Variants in KCNIP4 observed in about 807,000 individuals in gnomAD.
KCNIP4 encodes the protein potassium voltage-gated channel interacting protein 4, also known as Kv channel-interacting protein 4.
In KCNIP4, 12 loss-of-function variants were observed where a neutral mutation model predicts 34.0. The ratio of observed to expected loss-of-function variants is 0.35; its 90% CI spans 0.23 to 0.57. The LOEUF is 0.57. KCNIP4 is among the 20% of genes least tolerant of loss of function. The probability of loss-of-function intolerance (pLI) is 0.83; values close to 1 mark genes in which losing one functional copy is unlikely to be tolerated. For missense variants in KCNIP4, 238 were observed against 311.7 expected, an observed-to-expected ratio of 0.76 and a Z score of 1.78; for synonymous variants, 124 against 102.2, an observed-to-expected ratio of 1.21 and a Z score of -1.29.
At chr4:20,936,587 T>C (rs1731090033) in intron 1 of KCNIP4, among the ~76,000 whole-genome samples, 1 of 152,016 alleles carries the variant, frequency 6.6e-6, no homozygotes, top group Non-Finnish European at 1.5e-5. Context: ...AAAATTCTAA[T>C]CTACCAGGGA....
chr4:21,133,290 T>C (rs1316306566), intron 1 of KCNIP4, among the ~76,000 whole-genome samples: 1 of 152,204 alleles, frequency 6.6e-6, no homozygotes, highest in Non-Finnish European at 1.5e-5. Context: ...TTAACATGTG[T>C]AATTATTAAT....
intron 1 of KCNIP4, among the ~76,000 whole-genome samples, chr4:21,831,597 G>A (rs1050302311): frequency 2.9e-5 from 4 of 137,000 alleles, no homozygotes; most frequent in African/African-American, 5.6e-5. Flanking sequence ...ACTAAATCAT[G>A]AGGAAAGAGA....
At chr4:21,158,146 C>T (rs1470585459) in intron 1 of KCNIP4, among the ~76,000 whole-genome samples, 1 of 152,044 alleles carries the variant, frequency 6.6e-6, no homozygotes, top group Non-Finnish European at 1.5e-5. Flanking sequence ...ATCTGTTAAA[C>T]ACATTAAAGT....
intron 3 of KCNIP4, among the ~76,000 whole-genome samples, chr4:20,816,394 G>T (rs1716393678): frequency 1.3e-5 from 2 of 152,098 alleles, no homozygotes; most frequent in Non-Finnish European, 2.9e-5. Context: ...GATGTGGCTG[G>T]CAAAAAAGCA....
At chr4:21,777,398 A>G (rs1206250893) in intron 1 of KCNIP4, among the ~76,000 whole-genome samples, 2 of 152,242 alleles carry the variant, frequency 1.3e-5, no homozygotes, top group Admixed American at 1.3e-4. Context: ...GTTCACTGTA[A>G]TATACAATAA....
intron 1 of KCNIP4, among the ~76,000 whole-genome samples, chr4:21,536,616 TA>T (rs1043517423): frequency 2.0e-5 from 3 of 151,904 alleles, no homozygotes; most frequent in African/African-American, 7.3e-5. Flanking sequence ...CTGTCTTTAC[TA>T]AAAATACAAA....
intron 3 of KCNIP4, among the ~76,000 whole-genome samples, chr4:20,829,166 G>C (rs996668967): frequency 6.6e-6 from 1 of 152,144 alleles, no homozygotes; most frequent in East Asian, 1.9e-4. Context: ...CGAAGGTCCA[G>C]TCTTCTCCAG....
At chr4:21,390,429 G>C (rs1722462102) in intron 1 of KCNIP4, among the ~76,000 whole-genome samples, 1 of 152,102 alleles carries the variant, frequency 6.6e-6, no homozygotes, top group Non-Finnish European at 1.5e-5. Flanking sequence ...GGTTTTTATG[G>C]TTTTAAGTCT....
At chr4:20,870,306 A>C (rs1475037968) in intron 2 of KCNIP4, among the ~76,000 whole-genome samples, 2 of 151,998 alleles carry the variant, frequency 1.3e-5, no homozygotes, top group Non-Finnish European at 2.9e-5. Flanking sequence ...AGTGTGTAGC[A>C]CTGCCCCCTT....
At chr4:20,819,396 A>T (rs1453371412) in intron 3 of KCNIP4, among the ~76,000 whole-genome samples, 1 of 152,140 alleles carries the variant, frequency 6.6e-6, no homozygotes, top group Non-Finnish European at 1.5e-5. Context: ...AATAAAACAA[A>T]CCAATTGTTC....
rs527250013 is a variant in KCNIP4 at position 21,217,083 on chromosome 4, G to A, written c.62-334374C>T. Among the ~76,000 whole-genome samples the A allele has an allele frequency of 5.3e-5, 8 of 152,246 alleles. No individual in the cohort carries two copies. The South Asian group carries it at 6.2e-4, about 12-fold the overall frequency. On this transcript the variant is annotated intron_variant, in intron 1 of 8. Coordinates refer to ENST00000382152, the MANE Select transcript of KCNIP4 (RefSeq NM_025221.6). Reference sequence around the variant, plus strand: ...TTATCTACTTTTCATTACGAGCTACGAAGTAGATGTTATTGTATCTCATTC... The same window carrying A: ...TTATCTACTTTTCATTACGAGCTACAAAGTAGATGTTATTGTATCTCATTC...
At chr4:21,659,709 C>T (rs1157937440) in intron 1 of KCNIP4, among the ~76,000 whole-genome samples, 1 of 152,012 alleles carries the variant, frequency 6.6e-6, no homozygotes, top group Non-Finnish European at 1.5e-5. Context: ...ATTTTTGAGA[C>T]CCCATGATAA....
chr4:21,423,496 C>T (rs1283873934), intron 1 of KCNIP4, among the ~76,000 whole-genome samples: 3 of 152,170 alleles, frequency 2.0e-5, no homozygotes, highest in African/African-American at 4.8e-5. Context: ...GCCTTCTATA[C>T]ATTTGTTGAA....
chr4:20,755,117 C>T (rs531968313), intron 4 of KCNIP4, among the ~76,000 whole-genome samples: 14 of 152,110 alleles, frequency 9.2e-5, no homozygotes, highest in African/African-American at 3.1e-4. Context: ...TTAGAAGGGC[C>T]CTCCCCTCTG....
intron 1 of KCNIP4, among the ~76,000 whole-genome samples, chr4:21,893,413 C>G (rs761125273): frequency 6.6e-6 from 1 of 152,148 alleles, no homozygotes; most frequent in Non-Finnish European, 1.5e-5. Context: ...GTTGTTCCAA[C>G]GATGAGGCTT....
At chr4:21,655,426 G>A (rs958059520) in intron 1 of KCNIP4, among the ~76,000 whole-genome samples, 1 of 152,026 alleles carries the variant, frequency 6.6e-6, no homozygotes, top group African/African-American at 2.4e-5. Context: ...CGAGTCTAAA[G>A]GGAGGGCAGG....
chr4:21,001,246 T>C (rs1425884956), intron 1 of KCNIP4, among the ~76,000 whole-genome samples: 1 of 152,228 alleles, frequency 6.6e-6, no homozygotes, highest in Non-Finnish European at 1.5e-5. Flanking sequence ...TGTATTGTTA[T>C]GTTAATAGAG....
intron 1 of KCNIP4, among the ~76,000 whole-genome samples, chr4:20,995,806 G>A (rs1737502327): frequency 6.6e-6 from 1 of 152,158 alleles, no homozygotes; most frequent in Non-Finnish European, 1.5e-5. Flanking sequence ...CACCGGTTAT[G>A]TACCATGCAA....
chr4:21,150,101 A>C (rs993261400), intron 1 of KCNIP4, among the ~76,000 whole-genome samples: 2 of 152,192 alleles, frequency 1.3e-5, no homozygotes, highest in African/African-American at 4.8e-5. Flanking sequence ...GTTATTCAGC[A>C]AAGAGAGGAT....
Sources: gnomAD v4.1 joint callset for allele counts (sites outside exome capture counted in the v4.1 genomes callset) on GRCh38, gnomAD v4.1.1 for gene constraint, MANE v1.5 for transcripts, NCBI Gene and HGNC (gene_info 2026-07-23, HGNC 2026-07-21) for gene names.